Variants in FAM107B observed in about 807,000 individuals in gnomAD.
The protein encoded by FAM107B is protein FAM107B.
FAM107B carries 21 observed loss-of-function variants against 31.5 expected under a neutral mutation model. That is an observed-to-expected ratio of 0.67 (90% confidence interval 0.47 to 0.96). The LOEUF is 0.96. FAM107B is among the 40% of genes least tolerant of loss of function. FAM107B has a pLI of 0.00. For synonymous variants in FAM107B, 157 were observed against 141.5 expected, an observed-to-expected ratio of 1.11 and a Z score of -0.78; for missense variants, 452 against 377.1, an observed-to-expected ratio of 1.20 and a Z score of -1.64.
intron 2 of FAM107B, among the ~76,000 whole-genome samples, chr10:14,638,913 A>G (rs1853565208): frequency 6.6e-6 from 1 of 152,094 alleles, no homozygotes; most frequent in South Asian, 2.1e-4. Context: ...TACTTTGTCC[A>G]GGCACGGTGG....
chr10:14,604,357 G>A (rs1351313212), intron 2 of FAM107B: 9 of 627,058 alleles, frequency 1.4e-5, no homozygotes, highest in Non-Finnish European at 1.8e-5. Context: ...CGGCTCCGGG[G>A]GCGGCGGCCC....
chr10:14,702,160 C>T (rs971186133), intron 1 of FAM107B, among the ~76,000 whole-genome samples: 1 of 152,210 alleles, frequency 6.6e-6, no homozygotes, highest in African/African-American at 2.4e-5. Context: ...AACAAAGACA[C>T]GCACATAGCT....
chr10:14,774,367 G>C lies in FAM107B; in HGVS notation c.297C>G (p.Ala99=), dbSNP rs1202079455. The stretch of plus-strand genomic sequence containing the variant: ...CATCTTCAGGCGTCTCCGCGGGCTG[G>C]GCCGCAGTGCGGTGACTTGAATTCC... ...ANRNSSHRTA[A]QPAETPEDVP... is the part of the protein sequence containing the mutation. The change falls in exon 1 of 5, where the codon GCC becomes GCG. Residue 99 remains alanine, a synonymous_variant. Transcript: ENST00000181796. The C allele has an allele frequency of 6.2e-7, 1 of 1,614,160 alleles. No homozygotes were observed. The highest frequency in any genetic ancestry group is 8.5e-7 in the Non-Finnish European group (1 of 1,180,040).
chr10:14,648,259 C>A (rs763871858), intron 2 of FAM107B, among the ~76,000 whole-genome samples: 3 of 152,152 alleles, frequency 2.0e-5, no homozygotes, highest in Non-Finnish European at 2.9e-5. Flanking sequence ...TTAGTAAAAC[C>A]GAACTGCTGG....
At chr10:14,727,266 C>G (rs1355492612) in intron 1 of FAM107B, among the ~76,000 whole-genome samples, 6 of 152,118 alleles carry the variant, frequency 3.9e-5, no homozygotes, top group African/African-American at 1.4e-4. Context: ...AGTACATGGC[C>G]CAGGAGTTGG....
At chr10:14,579,291 G>A (rs1455582981) in intron 2 of FAM107B, among the ~76,000 whole-genome samples, 2 of 152,186 alleles carry the variant, frequency 1.3e-5, no homozygotes, top group Admixed American at 1.3e-4. Flanking sequence ...CTTGAACAGA[G>A]GAAGGCACTA....
chr10:14,719,562 T>C (rs1392248348), intron 1 of FAM107B, among the ~76,000 whole-genome samples: 3 of 152,230 alleles, frequency 2.0e-5, no homozygotes, highest in Admixed American at 2.0e-4. Flanking sequence ...AGCCTCATCC[T>C]GTTCCTCCCA....
intron 2 of FAM107B, among the ~76,000 whole-genome samples, chr10:14,606,154 C>G (rs1288141765): frequency 1.3e-5 from 2 of 152,098 alleles, no homozygotes. Context: ...GCCAGAGTGC[C>G]GTATTTGCTA....
chr10:14,543,551 C>T (rs535980068), intron 2 of FAM107B, among the ~76,000 whole-genome samples: 3 of 152,184 alleles, frequency 2.0e-5, no homozygotes, highest in South Asian at 2.1e-4. Context: ...AGGCCACCCT[C>T]GCTCTCAGCT....
At chr10:14,642,538 C>T (rs914242409) in intron 2 of FAM107B, among the ~76,000 whole-genome samples, 3 of 152,210 alleles carry the variant, frequency 2.0e-5, no homozygotes, top group Non-Finnish European at 4.4e-5. Flanking sequence ...CTATCCCCTT[C>T]GGTTCAAACT....
At chr10:14,724,119 G>C in intron 1 of FAM107B, 2 of 555,210 alleles carry the variant, frequency 3.6e-6, no homozygotes, top group South Asian at 3.9e-5. Flanking sequence ...CTCCTCTGTG[G>C]GTAGCGCGGA....
intron 1 of FAM107B, among the ~76,000 whole-genome samples, chr10:14,730,882 T>G (rs542676690): frequency 1.3e-5 from 2 of 151,910 alleles, no homozygotes; most frequent in Non-Finnish European, 2.9e-5. Flanking sequence ...AGTAGCAGCA[T>G]GAATGGACAG....
chr10:14,711,287 T>C (rs987622028), intron 1 of FAM107B, among the ~76,000 whole-genome samples: 2 of 152,234 alleles, frequency 1.3e-5, no homozygotes, highest in Non-Finnish European at 2.9e-5. Flanking sequence ...AGTAATGTCC[T>C]AGGCCTTTAG....
intron 1 of FAM107B, among the ~76,000 whole-genome samples, chr10:14,671,902 AACC>A (rs1412495473): frequency 1.3e-4 from 19 of 148,316 alleles, no homozygotes; most frequent in African/African-American, 4.4e-4. Flanking sequence ...ACAAAAAAAA[AACC>A]CTCTATTTCT....
chr10:14,636,309 G>GT (rs534467442), intron 2 of FAM107B, among the ~76,000 whole-genome samples: 95 of 149,876 alleles, frequency 6.3e-4, no homozygotes, highest in Admixed American at 3.9e-3. Flanking sequence ...CCAGGATCAT[G>GT]TGAGAGAGAG....
At chr10:14,754,406 C>A (rs181165761) in intron 1 of FAM107B, among the ~76,000 whole-genome samples, 1 of 152,282 alleles carries the variant, frequency 6.6e-6, no homozygotes, top group Admixed American at 6.5e-5. Context: ...CCTGACTTGA[C>A]TAATCCAAGC....
intron 1 of FAM107B, chr10:14,723,737 T>C (rs780430564): frequency 9.2e-6 from 7 of 757,734 alleles, no homozygotes; most frequent in Admixed American, 3.4e-5. Context: ...TTAGTGAAGG[T>C]TCCAGGGGTG....
chr10:14,655,912 T>C (rs1325820879), intron 2 of FAM107B, among the ~76,000 whole-genome samples: 2 of 152,060 alleles, frequency 1.3e-5, no homozygotes, highest in African/African-American at 4.8e-5. Flanking sequence ...AGGCAGGTTC[T>C]GGGGTGAGAG....
chr10:14,576,914 G>T (rs573181674), intron 2 of FAM107B, among the ~76,000 whole-genome samples: 2 of 152,280 alleles, frequency 1.3e-5, no homozygotes, highest in Admixed American at 6.5e-5. Context: ...TCAGTAATGT[G>T]TTGCCTCTAT....
Sources: gnomAD v4.1 joint callset for allele counts (sites outside exome capture counted in the v4.1 genomes callset) on GRCh38, gnomAD v4.1.1 for gene constraint, MANE v1.5 for transcripts, NCBI Gene and HGNC (gene_info 2026-07-23, HGNC 2026-07-21) for gene names.